The following FHIP1A variants were observed in gnomAD, a reference collection of about 807,000 sequenced individuals.
The protein encoded by FHIP1A is FHF complex subunit HOOK-interacting protein 1A.
A neutral mutation model predicts 88.6 loss-of-function variants in FHIP1A; 61 were observed. That is an observed-to-expected ratio of 0.69 (90% CI 0.56 to 0.85). The LOEUF is 0.85. FHIP1A is among the 40% of genes least tolerant of loss of function. The probability of loss-of-function intolerance (pLI) is 0.00; values close to 1 mark genes in which losing one functional copy is unlikely to be tolerated. For synonymous variants in FHIP1A, 478 were observed against 496.0 expected, an observed-to-expected ratio of 0.96 and a Z score of 0.48; for missense variants, 1,154 against 1,273.5, an observed-to-expected ratio of 0.91 and a Z score of 1.43.
chr4:151,437,276 T>A (rs1215555005), intron 1 of FHIP1A, among the ~76,000 whole-genome samples: 1 of 152,040 alleles, frequency 6.6e-6, no homozygotes, highest in Non-Finnish European at 1.5e-5. Flanking sequence ...GTGAAGCTTT[T>A]GAAATCCGCT....
At chr4:151,512,866 G>A (rs1374397381) in intron 3 of FHIP1A, among the ~76,000 whole-genome samples, 1 of 152,200 alleles carries the variant, frequency 6.6e-6, no homozygotes, top group Non-Finnish European at 1.5e-5. Context: ...GAACCAAGTT[G>A]GAAAACACTG....
At chr4:151,558,075 T>G (rs148869933) in intron 3 of FHIP1A, among the ~76,000 whole-genome samples, 1,917 of 152,288 alleles carry the variant, frequency 0.013, 40 homozygotes, top group African/African-American at 0.044. Flanking sequence ...AAATGAAAGC[T>G]TCAAAGCAGT....
At chr4:151,633,001 T>G (rs553955196) in intron 8 of FHIP1A, among the ~76,000 whole-genome samples, 1 of 151,712 alleles carries the variant, frequency 6.6e-6, no homozygotes, top group Admixed American at 6.6e-5. Flanking sequence ...AAATAAAGAA[T>G]AGAAAAACCA....
chr4:151,543,019 A>G (rs1332323419), intron 3 of FHIP1A, among the ~76,000 whole-genome samples: 3 of 152,194 alleles, frequency 2.0e-5, no homozygotes, highest in African/African-American at 7.2e-5. Flanking sequence ...TGCCCTTCTA[A>G]TAATTATGTT....
chr4:151,472,183 CATATT>C (rs1729539023), intron 2 of FHIP1A, among the ~76,000 whole-genome samples: 1 of 152,116 alleles, frequency 6.6e-6, no homozygotes, highest in African/African-American at 2.4e-5. Flanking sequence ...TATTGAAAAA[CATATT>C]ACCATTAAAT....
intron 5 of FHIP1A, among the ~76,000 whole-genome samples, chr4:151,580,059 TCTC>T (rs1436256958): frequency 1.3e-5 from 2 of 152,176 alleles, no homozygotes; most frequent in Admixed American, 1.3e-4. Context: ...AGTATCCAGT[TCTC>T]CTACTGTGCC....
chr4:151,545,136 T>G (rs554689224), intron 3 of FHIP1A, among the ~76,000 whole-genome samples: 1 of 152,256 alleles, frequency 6.6e-6, no homozygotes, highest in African/African-American at 2.4e-5. Context: ...AAAAGAGCAG[T>G]TGGTTTCCCA....
chr4:151,566,375 A>T lies in FHIP1A; in HGVS notation c.105+11A>T. On this transcript the variant is annotated intron_variant, in intron 4 of 13. Coordinates refer to ENST00000435205, the MANE Select transcript of FHIP1A (RefSeq NM_001109977.3). Reference sequence around the variant, plus strand: ...AACCACTGGGCACAGGTAATGTATGAATTCCACTTTTTTTGCTGGTCTCAG... The same window carrying T: ...AACCACTGGGCACAGGTAATGTATGTATTCCACTTTTTTTGCTGGTCTCAG... The T allele has an allele frequency of 6.6e-7, 1 of 1,515,266 alleles. No homozygotes were observed. The highest frequency in any genetic ancestry group is 9.0e-7 in the Non-Finnish European group (1 of 1,113,880). 93.9% of individuals were successfully genotyped at this position (1,515,266 alleles called of 1,614,324 possible). A position where few individuals can be genotyped will look rare whatever the true frequency, so the allele number is the denominator to read the frequency against.
At chr4:151,512,660 A>C (rs1179491513) in intron 3 of FHIP1A, among the ~76,000 whole-genome samples, 1 of 152,244 alleles carries the variant, frequency 6.6e-6, no homozygotes, top group Non-Finnish European at 1.5e-5. Flanking sequence ...AGAATGCAGA[A>C]GCCTCAGGAG....
intron 3 of FHIP1A, among the ~76,000 whole-genome samples, chr4:151,494,010 A>T (rs959472840): frequency 6.6e-6 from 1 of 152,238 alleles, no homozygotes; most frequent in South Asian, 2.1e-4. Context: ...AGGGCATCCA[A>T]ATTGGTAAAG....
rs1737651236 is a variant in FHIP1A at position 151,665,980 on chromosome 4, T to G, written c.*3226T>G. Among the ~76,000 whole-genome samples the G allele has an allele frequency of 6.6e-6, 1 of 151,730 alleles. No individual in the cohort carries two copies. Among genetic ancestry groups the G allele is most frequent in the African/African-American group, 2.4e-5 (1 of 41,410 alleles). On this transcript the variant is annotated 3_prime_UTR_variant, in exon 14 of 14. Coordinates refer to ENST00000435205, the MANE Select transcript of FHIP1A (RefSeq NM_001109977.3). ...TGAGCTGGCGTCACTGCGTCTGGCC[T>G]GGGCAGGAAAGGTGAGGGAGCCAAG...
At chr4:151,587,746 A>G (rs1160131482) in intron 6 of FHIP1A, among the ~76,000 whole-genome samples, 1 of 152,084 alleles carries the variant, frequency 6.6e-6, no homozygotes, top group African/African-American at 2.4e-5. Context: ...GGAAGAAAAT[A>G]CAAGTAAATT....
In FHIP1A at chr4:151,668,868, G is replaced by A. The variant is rs1305187829; in HGVS notation, c.*6114G>A. On this transcript the variant is annotated 3_prime_UTR_variant, in exon 14 of 14. Coordinates refer to ENST00000435205, the MANE Select transcript of FHIP1A (RefSeq NM_001109977.3). The stretch of plus-strand genomic sequence containing the variant: ...GGCAGAGCTGGTTCAAGCCAGCCTG[G>A]GGCAGAGCCAGTTTTCCAGCACACT... Among the ~76,000 whole-genome samples the A allele has an allele frequency of 8.9e-6, 1 of 112,134 alleles. No homozygotes were observed. Among genetic ancestry groups the A allele is most frequent in the Non-Finnish European group, 1.9e-5 (1 of 52,948 alleles). 73.6% of individuals were successfully genotyped at this position (112,134 alleles called of 152,430 possible). A position where few individuals can be genotyped will look rare whatever the true frequency, so the allele number is the denominator to read the frequency against.
chr4:151,578,529 T>C (rs1326751595), intron 5 of FHIP1A, among the ~76,000 whole-genome samples: 1 of 152,122 alleles, frequency 6.6e-6, no homozygotes, highest in African/African-American at 2.4e-5. Flanking sequence ...TTTGTTGTCA[T>C]AGGAACATGG....
chr4:151,588,461 G>T (rs940472942), intron 6 of FHIP1A, among the ~76,000 whole-genome samples: 9 of 151,982 alleles, frequency 5.9e-5, no homozygotes, highest in African/African-American at 2.2e-4. Flanking sequence ...AGAAAGTAAG[G>T]GGCAAAAATT....
At chr4:151,592,573 G>T (rs1441904811) in intron 7 of FHIP1A, among the ~76,000 whole-genome samples, 3 of 152,258 alleles carry the variant, frequency 2.0e-5, no homozygotes, top group Admixed American at 6.5e-5. Context: ...GTCTTCTTTT[G>T]AGAAATGTCT....
intron 4 of FHIP1A, among the ~76,000 whole-genome samples, chr4:151,567,232 C>T (rs1042716237): frequency 6.6e-6 from 1 of 152,046 alleles, no homozygotes; most frequent in African/African-American, 2.4e-5. Flanking sequence ...ATTGCACTCC[C>T]CAGGTGAGCT....
At chr4:151,457,849 C>T (rs1309221832) in intron 2 of FHIP1A, among the ~76,000 whole-genome samples, 1 of 152,014 alleles carries the variant, frequency 6.6e-6, no homozygotes, top group Non-Finnish European at 1.5e-5. Flanking sequence ...CTATGACAGA[C>T]TGGAAAATAC....
At chr4:151,589,655 T>C (rs1282097485) in intron 7 of FHIP1A, among the ~76,000 whole-genome samples, 1 of 152,132 alleles carries the variant, frequency 6.6e-6, no homozygotes, top group Non-Finnish European at 1.5e-5. Context: ...TGATCATATG[T>C]TGTTTTGATG....
Sources: gnomAD v4.1 joint callset for allele counts (sites outside exome capture counted in the v4.1 genomes callset) on GRCh38, gnomAD v4.1.1 for gene constraint, MANE v1.5 for transcripts, NCBI Gene and HGNC (gene_info 2026-07-23, HGNC 2026-07-21) for gene names.